SLC24A2: variants seen among roughly 807,000 people sequenced by gnomAD.
SLC24A2 encodes the protein sodium/potassium/calcium exchanger 2.
A neutral mutation model predicts 62.0 loss-of-function variants in SLC24A2; 36 were observed. The observed-to-expected ratio is 0.58, with a 90% CI of 0.44 to 0.77. The LOEUF (loss-of-function observed/expected upper bound fraction) is 0.77, where lower values mean the gene tolerates loss of function less well. Among genes scored for constraint, SLC24A2 ranks in the 30% least tolerant of loss-of-function variants. The pLI, the probability that SLC24A2 is intolerant of heterozygous loss-of-function variation, is 0.00. For synonymous variants in SLC24A2, 358 were observed against 294.0 expected, an observed-to-expected ratio of 1.22 and a Z score of -2.23; for missense variants, 846 against 817.9, an observed-to-expected ratio of 1.03 and a Z score of -0.42.
the SLC24A2 span, among the ~76,000 whole-genome samples, chr9:19,970,877 A>G: frequency 6.6e-6 from 1 of 152,176 alleles, no homozygotes; most frequent in East Asian, 1.9e-4. Flanking sequence ...TGAATCAACA[A>G]GTGGTTTTTC....
intron 8 of SLC24A2, among the ~76,000 whole-genome samples, chr9:19,529,427 C>T (rs1476017835): frequency 6.6e-6 from 1 of 152,146 alleles, no homozygotes; most frequent in Non-Finnish European, 1.5e-5. Context: ...TTCAAGTTTT[C>T]AATATATATT....
At chr9:20,224,356 G>C in the SLC24A2 span, among the ~76,000 whole-genome samples, 3 of 151,848 alleles carry the variant, frequency 2.0e-5, no homozygotes, top group Non-Finnish European at 4.4e-5. Context: ...TGCCCAATTT[G>C]AATACTATCA....
At chr9:19,705,902 A>AT (rs1164245512) in intron 2 of SLC24A2, among the ~76,000 whole-genome samples, 3 of 152,034 alleles carry the variant, frequency 2.0e-5, no homozygotes, top group Non-Finnish European at 2.9e-5. Context: ...AAAAGAATGT[A>AT]TATTCTGTTG....
intron 2 of SLC24A2, among the ~76,000 whole-genome samples, chr9:19,630,237 C>G (rs150127715): frequency 6.6e-6 from 1 of 152,082 alleles, no homozygotes; most frequent in African/African-American, 2.4e-5. Flanking sequence ...CTGGCAAAGA[C>G]TATAAAAGTG....
At chr9:20,235,102 A>C in the SLC24A2 span, among the ~76,000 whole-genome samples, 1 of 152,194 alleles carries the variant, frequency 6.6e-6, no homozygotes, top group Non-Finnish European at 1.5e-5. Flanking sequence ...GTCTCAGAGG[A>C]GTACCTGGCT....
the SLC24A2 span, among the ~76,000 whole-genome samples, chr9:20,175,632 T>C: frequency 1.3e-5 from 2 of 152,062 alleles, no homozygotes; most frequent in African/African-American, 2.4e-5. Flanking sequence ...GTGGCTTGAA[T>C]ACAAAGAATC....
At chr9:19,556,465 A>T (rs1246546688) in intron 7 of SLC24A2, among the ~76,000 whole-genome samples, 1 of 152,184 alleles carries the variant, frequency 6.6e-6, no homozygotes, top group Non-Finnish European at 1.5e-5. Flanking sequence ...CAGAGAATTA[A>T]AGTGAAAACT....
the SLC24A2 span, among the ~76,000 whole-genome samples, chr9:20,307,874 G>T: frequency 6.6e-6 from 1 of 152,110 alleles, no homozygotes; most frequent in Non-Finnish European, 1.5e-5. Context: ...CAATTGATTT[G>T]ACTACAAGAT....
the SLC24A2 span, among the ~76,000 whole-genome samples, chr9:20,053,133 G>T: frequency 6.6e-6 from 1 of 152,152 alleles, no homozygotes; most frequent in Non-Finnish European, 1.5e-5. Context: ...AGTTAGTAAT[G>T]ATGTGTTTGT....
chr9:20,229,822 T>G, the SLC24A2 span, among the ~76,000 whole-genome samples: 19 of 152,222 alleles, frequency 1.2e-4, no homozygotes, highest in South Asian at 4.0e-3. Flanking sequence ...CATGTTGGTA[T>G]GCTGCACCCA....
the SLC24A2 span, among the ~76,000 whole-genome samples, chr9:19,805,501 T>C: frequency 6.6e-6 from 1 of 152,172 alleles, no homozygotes; most frequent in Admixed American, 6.5e-5. Flanking sequence ...AACATACATA[T>C]GGTTGATTCT....
chr9:19,795,535 A>T, the SLC24A2 span, among the ~76,000 whole-genome samples: 1 of 152,238 alleles, frequency 6.6e-6, no homozygotes, highest in Non-Finnish European at 1.5e-5. Flanking sequence ...CTCTAGAAAG[A>T]ACCATATTCA....
rs190454985 is a variant in SLC24A2, at chr9:19,726,883, T to C, written c.930+59054A>G. On this transcript the variant is annotated intron_variant, in intron 2 of 10. Transcript: ENST00000341998. Reference sequence around the variant, plus strand: ...TTTTAGGCTGGCTTTAAAGTTCTAATGAATGCTCCTGGGTACATTTTGTTT... The same window carrying C: ...TTTTAGGCTGGCTTTAAAGTTCTAACGAATGCTCCTGGGTACATTTTGTTT... Among the ~76,000 whole-genome samples the C allele has an allele frequency of 1.1e-4, 17 of 152,342 alleles. No homozygotes were observed. In the East Asian group the frequency reaches 3.3e-3, roughly 29 times the overall value.
At chr9:20,285,674 T>C in the SLC24A2 span, among the ~76,000 whole-genome samples, 1 of 152,204 alleles carries the variant, frequency 6.6e-6, no homozygotes, top group South Asian at 2.1e-4. Flanking sequence ...CCCAGAATGT[T>C]TGACCAAATT....
intron 2 of SLC24A2, among the ~76,000 whole-genome samples, chr9:19,720,882 T>C (rs1018601268): frequency 2.1e-5 from 3 of 144,390 alleles, no homozygotes; most frequent in Non-Finnish European, 4.6e-5. Flanking sequence ...TGTGTGTGTG[T>C]TGTATCTCTA....
At chr9:19,987,433 G>T in the SLC24A2 span, among the ~76,000 whole-genome samples, 1 of 152,116 alleles carries the variant, frequency 6.6e-6, no homozygotes, top group African/African-American at 2.4e-5. Flanking sequence ...GCCATTTTAA[G>T]TGATTAGTGA....
the SLC24A2 span, among the ~76,000 whole-genome samples, chr9:20,158,787 A>C: frequency 6.6e-6 from 1 of 151,584 alleles, no homozygotes; most frequent in African/African-American, 2.4e-5. Context: ...GAAAAACAAA[A>C]TTATGGAGCA....
At chr9:19,739,073 T>G (rs934055235) in intron 2 of SLC24A2, among the ~76,000 whole-genome samples, 8 of 152,202 alleles carry the variant, frequency 5.3e-5, no homozygotes, top group Non-Finnish European at 1.0e-4. Flanking sequence ...GCCGAGATCG[T>G]GCCACTGCAC....
At chr9:19,569,961 C>T (rs546940475) in intron 7 of SLC24A2, among the ~76,000 whole-genome samples, 1 of 152,294 alleles carries the variant, frequency 6.6e-6, no homozygotes, top group East Asian at 1.9e-4. Context: ...CCCTCATCTC[C>T]CAACTCACAG....
Sources: allele counts gnomAD v4.1 joint callset (sites outside exome capture counted in the v4.1 genomes callset), GRCh38; gene constraint gnomAD v4.1.1; transcripts MANE v1.5; gene names NCBI Gene and HGNC (gene_info 2026-07-23, HGNC 2026-07-21).